TMEM117: variants seen among roughly 807,000 people sequenced by gnomAD.
The protein encoded by TMEM117 is transmembrane protein 117.
Under a neutral mutation model 52.4 loss-of-function variants are expected in TMEM117, and 27 were observed. The ratio of observed to expected loss-of-function variants is 0.51; its 90% confidence interval spans 0.38 to 0.71. TMEM117 has a LOEUF of 0.71. Ranked by LOEUF, TMEM117 falls within the 30% of genes least tolerant of loss-of-function variation. The pLI is 0.00. For synonymous variants in TMEM117, 215 were observed against 206.3 expected (o/e 1.04, Z -0.36); for missense variants, 556 against 630.5 (o/e 0.88, Z 1.26).
At chr12:44,048,640 T>C (rs568358161) in intron 3 of TMEM117, among the ~76,000 whole-genome samples, 3 of 152,326 alleles carry the variant, frequency 2.0e-5, no homozygotes, top group East Asian at 3.9e-4. Flanking sequence ...ACTAAATAAA[T>C]AGTATATGTT....
intron 5 of TMEM117, among the ~76,000 whole-genome samples, chr12:44,226,694 G>A (rs556251000): frequency 1.2e-4 from 18 of 152,168 alleles, no homozygotes; most frequent in East Asian, 5.8e-4. Context: ...ACTGGTGTCC[G>A]TATAAGAAGG....
chr12:44,149,919 A>T (rs982783150), intron 4 of TMEM117, among the ~76,000 whole-genome samples: 1 of 152,246 alleles, frequency 6.6e-6, no homozygotes, highest in Admixed American at 6.5e-5. Context: ...GAAACTTGGA[A>T]TAGAAGGCCA....
chr12:44,307,712 C>T (rs1416921861), intron 6 of TMEM117, among the ~76,000 whole-genome samples: 1 of 152,218 alleles, frequency 6.6e-6, no homozygotes, highest in Non-Finnish European at 1.5e-5. Context: ...GTCCTGGCAA[C>T]AGACCTCCAA....
chr12:43,833,383 A>G (rs759793458), upstream of TMEM117, among the ~76,000 whole-genome samples: 1 of 152,164 alleles, frequency 6.6e-6, no homozygotes, highest in Non-Finnish European at 1.5e-5. Flanking sequence ...TTTTTATCCC[A>G]CTATCCCCTG....
chr12:44,211,003 C>T (rs991276933), intron 4 of TMEM117, among the ~76,000 whole-genome samples: 1 of 151,974 alleles, frequency 6.6e-6, no homozygotes, highest in African/African-American at 2.4e-5. Flanking sequence ...GTTACATATG[C>T]TTTGTTTCTA....
intron 3 of TMEM117, chr12:44,009,147 G>T: frequency 3.3e-6 from 1 of 304,998 alleles, no homozygotes; most frequent in South Asian, 3.0e-5. Context: ...TACTTCCTTG[G>T]AAAAGCTCAG....
chr12:44,080,694 A>T (rs2138011974), intron 3 of TMEM117, among the ~76,000 whole-genome samples: 1 of 152,300 alleles, frequency 6.6e-6, no homozygotes, highest in Non-Finnish European at 1.5e-5. Flanking sequence ...TGGTTGAAAA[A>T]AATCAAAAGA....
chr12:44,181,640 G>A (rs1949200964), intron 4 of TMEM117, among the ~76,000 whole-genome samples: 1 of 151,938 alleles, frequency 6.6e-6, no homozygotes, highest in Non-Finnish European at 1.5e-5. Flanking sequence ...TTTTTGTCAG[G>A]TTTGTTAAAG....
chr12:44,123,877 T>C (rs1948278762), intron 3 of TMEM117, among the ~76,000 whole-genome samples: 1 of 152,192 alleles, frequency 6.6e-6, no homozygotes, highest in South Asian at 2.1e-4. Flanking sequence ...TTGTCTTGGC[T>C]AGTCATGATC....
chr12:43,908,784 C>G (rs1487210609), intron 2 of TMEM117, among the ~76,000 whole-genome samples: 3 of 151,862 alleles, frequency 2.0e-5, no homozygotes, highest in Middle Eastern at 3.4e-3. Flanking sequence ...ATCAATTCAA[C>G]AAGAAGAGCT....
intron 4 of TMEM117, among the ~76,000 whole-genome samples, chr12:44,163,288 T>C (rs747216550): frequency 1.3e-5 from 2 of 152,196 alleles, no homozygotes; most frequent in Non-Finnish European, 2.9e-5. Flanking sequence ...CTTAATACCT[T>C]TTGTCTACAA....
In TMEM117 at chr12:44,376,629, A is replaced by C. The variant is rs761657527; in HGVS notation, c.803A>C (p.Asp268Ala). The change falls in exon 7 of 8, where the codon GAT becomes GCT. Residue 268 changes from aspartate (D) to alanine (A), a missense_variant. This residue lies in a region of TMEM117 where 328 missense variants were observed against 371.4 expected (regional missense o/e 0.88). Transcript: ENST00000266534. ...TTCCCACATTTCATGGGAGATGTTGATGTAAATCTCCCTGGTTTGCACACC... is the reference window on the plus strand; with the variant it reads ...TTCCCACATTTCATGGGAGATGTTGCTGTAAATCTCCCTGGTTTGCACACC... ...WEFPHFMGDV[D>A]VNLPGLHTPH... is the part of the protein sequence containing the mutation. The C allele has an allele frequency of 6.2e-6, 10 of 1,609,340 alleles. 1 individual carries two copies. Among genetic ancestry groups the C allele is most frequent in the Non-Finnish European group, 8.5e-6 (10 of 1,178,534 alleles).
At chr12:44,180,626 A>T (rs1949182980) in intron 4 of TMEM117, among the ~76,000 whole-genome samples, 1 of 151,354 alleles carries the variant, frequency 6.6e-6, no homozygotes, top group East Asian at 2.0e-4. Context: ...TTCTTGTGAT[A>T]GTTTACTGAG....
chr12:44,256,620 T>C (rs1038332243), intron 5 of TMEM117, among the ~76,000 whole-genome samples: 1 of 152,042 alleles, frequency 6.6e-6, no homozygotes, highest in African/African-American at 2.4e-5. Context: ...TATCCAGTAG[T>C]AATATAATGC....
At position 43,967,066 on chromosome 12, in the gene TMEM117, G is replaced by A. The variant is rs192458623; in HGVS notation, c.410+22724G>A. Among the ~76,000 whole-genome samples, 28 of 151,732 alleles carry A rather than the reference G, an allele frequency of 1.8e-4. No individual in the cohort carries two copies. The East Asian group carries it at 4.8e-3, about 26-fold the overall frequency. ...ATTCTTTTCCCCTTAAGTATAGGTC[G>A]AACCCAGTGGATCCTGCTTCTAATG... is the stretch of plus-strand genomic sequence containing the variant. On this transcript the variant is annotated intron_variant, in intron 3 of 7. Transcript: ENST00000266534.
the TMEM117 span, among the ~76,000 whole-genome samples, chr12:43,814,941 C>T: frequency 1.3e-5 from 2 of 151,978 alleles, no homozygotes; most frequent in Admixed American, 6.6e-5. Context: ...GACGGGGTTT[C>T]ACCATGTTGG....
intron 2 of TMEM117, among the ~76,000 whole-genome samples, chr12:43,892,942 G>T (rs926702360): frequency 6.6e-6 from 1 of 152,174 alleles, no homozygotes; most frequent in African/African-American, 2.4e-5. Flanking sequence ...TTTTATCATA[G>T]ACTTAAGGGA....
intron 5 of TMEM117, among the ~76,000 whole-genome samples, chr12:44,288,824 T>C (rs915105778): frequency 6.6e-6 from 1 of 152,180 alleles, no homozygotes; most frequent in African/African-American, 2.4e-5. Flanking sequence ...AATGAACATA[T>C]TCATCATACA....
intron 3 of TMEM117, among the ~76,000 whole-genome samples, chr12:44,038,998 A>G (rs1413498200): frequency 6.6e-6 from 1 of 152,220 alleles, no homozygotes; most frequent in Non-Finnish European, 1.5e-5. Flanking sequence ...AGCAAATGCC[A>G]GACATCATAT....
Sources: gnomAD v4.1 joint callset for allele counts (sites outside exome capture counted in the v4.1 genomes callset) on GRCh38, gnomAD v4.1.1 for gene constraint, gnomAD v4.1.1 regional missense constraint, MANE v1.5 for transcripts, NCBI Gene and HGNC (gene_info 2026-07-23, HGNC 2026-07-21) for gene names.